Variants in FER observed in about 807,000 individuals in gnomAD.
FER encodes FER tyrosine kinase.
A neutral mutation model predicts 111.0 loss-of-function variants in FER; 63 were observed. The observed-to-expected ratio is 0.57, with a 90% CI of 0.46 to 0.70. The LOEUF is 0.70. Among genes scored for constraint, FER ranks in the 30% least tolerant of loss-of-function variants. The pLI is 0.00. For missense variants in FER, 914 were observed against 954.0 expected, an observed-to-expected ratio of 0.96 and a Z score of 0.55; for synonymous variants, 327 against 313.9, an observed-to-expected ratio of 1.04 and a Z score of -0.44.
At chr5:109,063,344 G>T (rs1774672981) in intron 16 of FER, among the ~76,000 whole-genome samples, 1 of 152,140 alleles carries the variant, frequency 6.6e-6, no homozygotes, top group African/African-American at 2.4e-5. Flanking sequence ...GCTCTGGAAG[G>T]TTACTATGGT....
chr5:109,015,673 G>A (rs575205608), intron 13 of FER, among the ~76,000 whole-genome samples: 1 of 152,102 alleles, frequency 6.6e-6, no homozygotes, highest in Non-Finnish European at 1.5e-5. Flanking sequence ...GGGGAAGCAG[G>A]AGACAGCATT....
At chr5:108,828,566 AAC>A (rs1759711928) in intron 3 of FER, among the ~76,000 whole-genome samples, 1 of 152,138 alleles carries the variant, frequency 6.6e-6, no homozygotes, top group Admixed American at 6.6e-5. Context: ...TGCAAATTTT[AAC>A]AGTGTTTTTT....
intron 8 of FER, among the ~76,000 whole-genome samples, chr5:108,879,701 A>AAAAAAAAAATATATAT: frequency 2.0e-5 from 2 of 99,128 alleles, no homozygotes; most frequent in African/African-American, 9.6e-5. Context: ...ATTAAAAAAA[A>AAAAAAAAAATATATAT]ATATATATAT....
chr5:108,906,278 C>A (rs1561594507), intron 10 of FER, among the ~76,000 whole-genome samples: 1 of 152,066 alleles, frequency 6.6e-6, no homozygotes, highest in Non-Finnish European at 1.5e-5. Flanking sequence ...TGTGTGCTTA[C>A]TTTTTTGCTG....
At chr5:109,003,333 G>C (rs978221897) in intron 13 of FER, among the ~76,000 whole-genome samples, 4 of 152,118 alleles carry the variant, frequency 2.6e-5, no homozygotes, top group Non-Finnish European at 5.9e-5. Flanking sequence ...GGATGAAGAT[G>C]GAAACCATCA....
intron 13 of FER, among the ~76,000 whole-genome samples, chr5:109,023,289 T>G (rs904100705): frequency 2.6e-5 from 4 of 152,152 alleles, no homozygotes; most frequent in African/African-American, 9.7e-5. Context: ...GAATAGTAGT[T>G]ACATTTACTG....
At chr5:109,049,277 A>G (rs1035259168) in intron 16 of FER, among the ~76,000 whole-genome samples, 10 of 152,184 alleles carry the variant, frequency 6.6e-5, no homozygotes, top group Non-Finnish European at 1.0e-4. Flanking sequence ...GGGTCTCACA[A>G]AGCCAAAATC....
At chr5:109,109,389 C>T (rs1749329402) in intron 17 of FER, among the ~76,000 whole-genome samples, 1 of 152,046 alleles carries the variant, frequency 6.6e-6, no homozygotes, top group Admixed American at 6.6e-5. Flanking sequence ...TTGCTTATCT[C>T]CCCCAACTCC....
chr5:108,866,477 C>CTTGT (rs1764076421), intron 5 of FER, among the ~76,000 whole-genome samples: 1 of 151,854 alleles, frequency 6.6e-6, no homozygotes, highest in Non-Finnish European at 1.5e-5. Flanking sequence ...GGAGATATAC[C>CTTGT]TAATGTTAAA....
intron 2 of FER, among the ~76,000 whole-genome samples, chr5:108,783,485 A>G (rs1201452554): frequency 6.6e-6 from 1 of 152,164 alleles, no homozygotes; most frequent in Non-Finnish European, 1.5e-5. Context: ...CATTCAAGTT[A>G]TGATTTTTCT....
intron 14 of FER, among the ~76,000 whole-genome samples, chr5:109,043,163 T>C (rs1771428115): frequency 1.3e-5 from 2 of 152,146 alleles, no homozygotes; most frequent in South Asian, 4.1e-4. Context: ...AAAAGTAATA[T>C]AGCCAGGAAG....
At chr5:109,072,991 T>C (rs1775940032) in intron 16 of FER, among the ~76,000 whole-genome samples, 1 of 152,124 alleles carries the variant, frequency 6.6e-6, no homozygotes, top group Admixed American at 6.5e-5. Flanking sequence ...TGTCTCTATA[T>C]TCAAATCTCT....
intron 16 of FER, chr5:109,051,542 C>A: frequency 3.1e-6 from 5 of 1,611,626 alleles, no homozygotes; most frequent in Non-Finnish European, 4.2e-6. Context: ...CAGTTTTGCT[C>A]ACTTGCTTGC....
At chr5:108,946,753 G>T (rs1187705682) in intron 11 of FER, among the ~76,000 whole-genome samples, 3 of 151,890 alleles carry the variant, frequency 2.0e-5, no homozygotes, top group Non-Finnish European at 4.4e-5. Flanking sequence ...CAGCAGTTTG[G>T]CCATCTCATA....
intron 10 of FER, among the ~76,000 whole-genome samples, chr5:108,913,407 A>G (rs1251819911): frequency 6.6e-6 from 1 of 152,210 alleles, no homozygotes; most frequent in Non-Finnish European, 1.5e-5. Context: ...TATCTGTGTG[A>G]TAAAGTAATA....
At chr5:109,136,529 GAC>G (rs1350663274) in intron 17 of FER, among the ~76,000 whole-genome samples, 1 of 152,088 alleles carries the variant, frequency 6.6e-6, no homozygotes, top group African/African-American at 2.4e-5. Context: ...TGCTTAGAAA[GAC>G]AATCTTGAGA....
chr5:108,837,808 ATTAATAGT>A (rs1457594821), intron 5 of FER, among the ~76,000 whole-genome samples: 2 of 152,186 alleles, frequency 1.3e-5, no homozygotes, highest in African/African-American at 4.8e-5. Context: ...TTAGTATTGT[ATTAATAGT>A]TGGAAGGCAA....
chr5:109,161,791 G>T (rs894910104), intron 17 of FER, among the ~76,000 whole-genome samples: 8 of 152,086 alleles, frequency 5.3e-5, no homozygotes, highest in African/African-American at 1.7e-4. Flanking sequence ...CAACCCCAAT[G>T]TGATTGCTTG....
At chr5:109,029,023 G>A (rs1263459137) in intron 13 of FER, among the ~76,000 whole-genome samples, 4 of 152,102 alleles carry the variant, frequency 2.6e-5, no homozygotes, top group Non-Finnish European at 5.9e-5. Flanking sequence ...CAGTCATTAT[G>A]GACTAATATT....
Sources: gnomAD v4.1 joint callset for allele counts (sites outside exome capture counted in the v4.1 genomes callset) on GRCh38, gnomAD v4.1.1 for gene constraint, MANE v1.5 for transcripts, NCBI Gene and HGNC (gene_info 2026-07-23, HGNC 2026-07-21) for gene names.